Variants in MCPH1 observed in about 807,000 individuals in gnomAD.
MCPH1 encodes microcephalin.
MCPH1 carries 104 observed loss-of-function variants against 84.5 expected under a neutral mutation model. That is an observed-to-expected ratio of 1.23 (90% confidence interval 1.05 to 1.45). The LOEUF (loss-of-function observed/expected upper bound fraction) is 1.45. Among genes scored for constraint, MCPH1 ranks in the 40% most tolerant of loss-of-function variants. The pLI is 0.00. For synonymous variants in MCPH1, 514 were observed against 366.8 expected, an observed-to-expected ratio of 1.40 and a Z score of -4.58; for missense variants, 1,498 against 1,005.7, an observed-to-expected ratio of 1.49 and a Z score of -6.62.
Position 6,445,232 on chromosome 8 carries a change from G to A in MCPH1, c.1510G>A (p.Glu504Lys). The change falls in exon 8 of 14, where the codon GAA becomes AAA. Residue 504 changes from glutamate to lysine, a missense_variant. Coordinates refer to ENST00000344683, the MANE Select transcript of MCPH1 (RefSeq NM_024596.5). ...TTCGAGTTGCGTGACTTCTGCCCCT[G>A]AAGAAGCCCTAAGGTGTTGTAGACA... The part of the protein sequence containing the change: ...ATSSCVTSAP[E>K]EALRCCRQAG... 1.2e-6 allele frequency: 2 copies of A among 1,614,252 alleles called. No homozygotes were observed. Among genetic ancestry groups the A allele is most frequent in the Non-Finnish European group, 1.7e-6 (2 of 1,180,050 alleles).
At chr8:6,566,547 T>C (rs1975621) in intron 12 of MCPH1, among the ~76,000 whole-genome samples, 151,389 of 152,254 alleles carry the variant, frequency 0.99, 75,270 homozygotes, top group Middle Eastern at 1. Flanking sequence ...GCATGGCCAT[T>C]AACAGGGCAC....
At chr8:6,634,024 G>T (rs1215954301) in intron 13 of MCPH1, among the ~76,000 whole-genome samples, 1 of 152,172 alleles carries the variant, frequency 6.6e-6, no homozygotes, top group South Asian at 2.1e-4. Flanking sequence ...TGAAGAAACA[G>T]AAGGATACGC....
intron 11 of MCPH1, 108 bp from the exon 12 acceptor site, chr8:6,499,744 G>C (rs1326966286): frequency 5.3e-5 from 47 of 888,404 alleles, no homozygotes; most frequent in Middle Eastern, 3.3e-4. Flanking sequence ...ATCTATTTCA[G>C]ATCTGCGGAG....
chr8:6,413,894 A>G (rs1475078114), intron 2 of MCPH1, among the ~76,000 whole-genome samples: 2 of 151,998 alleles, frequency 1.3e-5, no homozygotes, highest in East Asian at 3.9e-4. Context: ...TGCTGAGACT[A>G]CAGGCACGAA....
intron 11 of MCPH1, among the ~76,000 whole-genome samples, chr8:6,481,929 A>C (rs1809296760): frequency 6.6e-6 from 1 of 152,238 alleles, no homozygotes; most frequent in Admixed American, 6.5e-5. Flanking sequence ...CCAGAAAATA[A>C]CAATTTATAA....
chr8:6,429,142 A>G (rs909432370), intron 3 of MCPH1, among the ~76,000 whole-genome samples: 4 of 152,192 alleles, frequency 2.6e-5, no homozygotes, highest in African/African-American at 9.6e-5. Flanking sequence ...GTTTATGTTT[A>G]CATCATTATG....
rs1254861450 is a variant in MCPH1, at chr8:6,427,148, A to T, written c.234-4351A>T. Among the ~76,000 whole-genome samples, 3 of 152,244 alleles carry T rather than the reference A, an allele frequency of 2.0e-5. No homozygotes were observed. In the East Asian group the frequency reaches 5.8e-4, roughly 29 times the overall value. ...AAATACTTAAACATAGAAAAGGTAG[A>T]GTAAAAATATGGTATAAAAGATAAA... On this transcript the variant is annotated intron_variant, in intron 3 of 13. Transcript: ENST00000344683.
At position 6,431,537 on chromosome 8, in the gene MCPH1, T is replaced by A. The variant is rs1325123634; in HGVS notation, c.272T>A (p.Phe91Tyr). ...TAGAHIDESLFPAANMNEHLS... is the reference protein window; with the variant it reads ...TAGAHIDESLYPAANMNEHLS... ...GGAGCACACATTGATGAATCATTGT[T>A]CCCTGCAGCTAATATGAATGAACAC... The change falls in exon 4 of 14, where the codon TTC becomes TAC. Residue 91 changes from phenylalanine (F) to tyrosine (Y), a missense_variant. Physicochemically the swap from Phe to Tyr is conservative, Grantham distance 22 (BLOSUM62 3). Transcript: ENST00000344683. 1 of 1,613,676 alleles carries A rather than the reference T, an allele frequency of 6.2e-7. No homozygotes were observed. The highest frequency in any genetic ancestry group is 8.5e-7 in the Non-Finnish European group (1 of 1,179,788).
At chr8:6,628,002 G>A (rs2059535) in intron 13 of MCPH1, among the ~76,000 whole-genome samples, 5 of 151,944 alleles carry the variant, frequency 3.3e-5, no homozygotes, top group African/African-American at 1.2e-4. Flanking sequence ...GCTTTGGAAA[G>A]GTTTGCTCAG....
intron 12 of MCPH1, chr8:6,514,565 C>A (rs772798504): frequency 4.3e-6 from 4 of 926,936 alleles, no homozygotes; most frequent in Non-Finnish European, 6.8e-6. Flanking sequence ...ATTTTAAAAA[C>A]CATGTCAAAA....
In MCPH1 at chr8:6,445,188, A is replaced by C. The variant is rs763289888; in HGVS notation, c.1466A>C (p.Asn489Thr). ...ATCTCCAGTCCTCGGAAAACTGGAA[A>C]TGGTGAAGGCCGTGCAACTTCGAGT... Reference protein sequence around the residue: ...KTISSPRKTGNGEGRATSSCV... With the variant: ...KTISSPRKTGTGEGRATSSCV... The change falls in exon 8 of 14, where the codon AAT becomes ACT. Residue 489 changes from asparagine to threonine, a missense_variant. By Grantham distance (65) the Asn-to-Thr change is moderately conservative. Transcript: ENST00000344683. The C allele has an allele frequency of 1.2e-6, 2 of 1,614,258 alleles. No homozygotes were observed. Among genetic ancestry groups the C allele is most frequent in the Admixed American group, 3.3e-5 (2 of 60,032 alleles).
rs532748236 is a variant in MCPH1, at chr8:6,547,061, G to C, written c.2214+47132G>C. 2.6e-5 allele frequency among the ~76,000 whole-genome samples: 4 copies of C among 152,140 alleles called. No individual in the cohort carries two copies. The East Asian group carries it at 7.8e-4, about 30-fold the overall frequency. ...CATGCACGTGTTCCGTGTGTACCGT[G>C]GTTGCCTTCGGGCTAATGCGTTTTT... On this transcript the variant is annotated intron_variant, in intron 12 of 13. Coordinates refer to ENST00000344683, the MANE Select transcript of MCPH1 (RefSeq NM_024596.5).
At chr8:6,452,304 C>G (rs1805181784) in intron 8 of MCPH1, among the ~76,000 whole-genome samples, 1 of 152,220 alleles carries the variant, frequency 6.6e-6, no homozygotes, top group Non-Finnish European at 1.5e-5. Context: ...TGATCATTTA[C>G]TAGCTTTCAT....
chr8:6,447,125 A>G, intron 8 of MCPH1: 1 of 985,466 alleles, frequency 1.0e-6, no homozygotes, highest in African/African-American at 1.7e-5. Flanking sequence ...ACTGGGTTCT[A>G]GGACATAAAA....
At chr8:6,439,211 G>C in intron 6 of MCPH1, 115 bp downstream of exon 6, 1 of 1,080,356 alleles carries the variant, frequency 9.3e-7, no homozygotes. Flanking sequence ...AACACATTTT[G>C]ACTTATTTCA....
chr8:6,519,878 T>C, intron 12 of MCPH1: 3 of 1,614,062 alleles, frequency 1.9e-6, no homozygotes, highest in Non-Finnish European at 1.7e-6. Flanking sequence ...ATCTCTTCTG[T>C]AGAATTAGGG....
At chr8:6,582,403 T>G (rs781487778) in intron 12 of MCPH1, among the ~76,000 whole-genome samples, 3 of 152,242 alleles carry the variant, frequency 2.0e-5, no homozygotes, top group Non-Finnish European at 2.9e-5. Context: ...GTTGCAGAGC[T>G]AGAGTTCAAA....
At chr8:6,614,959 A>T (rs767976581) in intron 12 of MCPH1, among the ~76,000 whole-genome samples, 1 of 151,862 alleles carries the variant, frequency 6.6e-6, no homozygotes, top group Non-Finnish European at 1.5e-5. Context: ...CGTTGTCTGC[A>T]TAGTGAGCCT....
intron 8 of MCPH1, among the ~76,000 whole-genome samples, chr8:6,452,605 T>G (rs989817613): frequency 6.6e-5 from 10 of 152,330 alleles, no homozygotes; most frequent in East Asian, 3.9e-4. Flanking sequence ...TAGGGTGATC[T>G]TTGGAAGATA....
Sources: gnomAD v4.1 joint callset for allele counts (sites outside exome capture counted in the v4.1 genomes callset) on GRCh38, gnomAD v4.1.1 for gene constraint, MANE v1.5 for transcripts, NCBI Gene and HGNC (gene_info 2026-07-23, HGNC 2026-07-21) for gene names.